Variants in PCDH9 observed in about 807,000 individuals in gnomAD.
PCDH9 encodes the protein protocadherin 9.
In PCDH9, 24 loss-of-function variants were observed where a neutral mutation model predicts 70.6. The observed-to-expected ratio is 0.34, with a 90% CI of 0.25 to 0.48. The LOEUF (loss-of-function observed/expected upper bound fraction) is 0.48, where lower values mean the gene tolerates loss of function less well. PCDH9 is among the 20% of genes least tolerant of loss of function. PCDH9 has a pLI of 0.99. For missense variants in PCDH9, 1,281 were observed against 1,503.6 expected, an observed-to-expected ratio of 0.85 and a Z score of 2.45; for synonymous variants, 562 against 558.5, an observed-to-expected ratio of 1.01 and a Z score of -0.09.
chr13:67,105,736 A>T (rs902605372), intron 2 of PCDH9, among the ~76,000 whole-genome samples: 8 of 152,004 alleles, frequency 5.3e-5, no homozygotes, highest in Non-Finnish European at 8.8e-5. Flanking sequence ...AATATTTACT[A>T]AATTCCAAAG....
chr13:66,843,213 A>C (rs1410893811), intron 3 of PCDH9, among the ~76,000 whole-genome samples: 1 of 152,240 alleles, frequency 6.6e-6, no homozygotes, highest in Non-Finnish European at 1.5e-5. Context: ...TGTATTTTAC[A>C]TGTAGACAGA....
intron 2 of PCDH9, among the ~76,000 whole-genome samples, chr13:66,923,684 G>T (rs1243791474): frequency 6.6e-6 from 1 of 151,602 alleles, no homozygotes; most frequent in South Asian, 2.1e-4. Flanking sequence ...TAAGTAATTT[G>T]CTTAATGTCA....
chr13:67,116,578 T>C (rs1416303833), intron 2 of PCDH9, among the ~76,000 whole-genome samples: 7 of 152,194 alleles, frequency 4.6e-5, no homozygotes, highest in Non-Finnish European at 1.0e-4. Context: ...TTTCTTGGGT[T>C]GAAGCTTATT....
intron 2 of PCDH9, among the ~76,000 whole-genome samples, chr13:66,906,571 A>G (rs2082364424): frequency 6.6e-6 from 1 of 152,104 alleles, no homozygotes; most frequent in Non-Finnish European, 1.5e-5. Flanking sequence ...TTCCATCCCT[A>G]AAAGATCTCA....
At chr13:66,402,094 A>T in intron 4 of PCDH9, among the ~76,000 whole-genome samples, 1 of 152,136 alleles carries the variant, frequency 6.6e-6, no homozygotes, top group East Asian at 1.9e-4. Context: ...TTCTGCTTGA[A>T]AATAAATAAA....
chr13:66,467,659 TC>T (rs1452116658), intron 4 of PCDH9, among the ~76,000 whole-genome samples: 1 of 152,040 alleles, frequency 6.6e-6, no homozygotes, highest in Non-Finnish European at 1.5e-5. Context: ...TCAGCAATTA[TC>T]CCACAGTCCA....
chr13:66,616,391 C>T (rs2077355766), intron 4 of PCDH9, among the ~76,000 whole-genome samples: 1 of 91,642 alleles, frequency 1.1e-5, no homozygotes, highest in Non-Finnish European at 2.5e-5. Flanking sequence ...CCACTCATTC[C>T]TATCAGAAGT....
intron 4 of PCDH9, among the ~76,000 whole-genome samples, chr13:66,492,487 T>A (rs1343088470): frequency 6.7e-6 from 1 of 148,250 alleles, no homozygotes; most frequent in Non-Finnish European, 1.5e-5. Flanking sequence ...ATATAATGAT[T>A]TTTATATTTA....
At chr13:66,664,776 C>T (rs1029189115) in intron 3 of PCDH9, among the ~76,000 whole-genome samples, 6 of 151,988 alleles carry the variant, frequency 3.9e-5, no homozygotes, top group African/African-American at 1.5e-4. Flanking sequence ...CCCATCATTT[C>T]CTCTATATTC....
At chr13:66,807,087 C>T (rs2080422372) in intron 3 of PCDH9, among the ~76,000 whole-genome samples, 1 of 152,086 alleles carries the variant, frequency 6.6e-6, no homozygotes, top group Non-Finnish European at 1.5e-5. Context: ...TAATTGAATG[C>T]CAGATTTACA....
At chr13:66,339,378 TG>T (rs902312675) in intron 4 of PCDH9, among the ~76,000 whole-genome samples, 7 of 151,962 alleles carry the variant, frequency 4.6e-5, no homozygotes, top group East Asian at 3.9e-4. Context: ...AGATGTGTGT[TG>T]GGGGGGTGTG....
At chr13:66,467,066 C>T (rs1958526851) in intron 4 of PCDH9, among the ~76,000 whole-genome samples, 1 of 151,966 alleles carries the variant, frequency 6.6e-6, no homozygotes, top group African/African-American at 2.4e-5. Flanking sequence ...ATTCCTAATA[C>T]AATGGGGAAG....
rs1057323190 is a variant in PCDH9 at position 67,149,963 on chromosome 13, A to G, written c.3036+75442T>C. On this transcript the variant is annotated intron_variant, in intron 2 of 4. Transcript: ENST00000377865. The stretch of plus-strand genomic sequence containing the variant: ...CACTTTTGAAGCCAAAATTTCAAAA[A>G]TAAAAGTCTTTTCAGGTCATATGTA... Among the ~76,000 whole-genome samples, 3 of 152,362 alleles carry G rather than the reference A, an allele frequency of 2.0e-5. No individual in the cohort carries two copies. The East Asian group carries it at 5.8e-4, about 29-fold the overall frequency.
chr13:66,719,724 G>T lies in PCDH9; in HGVS notation c.3139-88313C>A, dbSNP rs141023922. Reference sequence around the variant, plus strand: ...ATAGCCAAACGTTTGTATCAAGTTTGTTTAAATAAAATATTTGAAAGATAT... The same window carrying T: ...ATAGCCAAACGTTTGTATCAAGTTTTTTTAAATAAAATATTTGAAAGATAT... On this transcript the variant is annotated intron_variant, in intron 3 of 4. Transcript: ENST00000377865. Among the ~76,000 whole-genome samples the T allele has an allele frequency of 3.9e-4, 59 of 152,256 alleles. 1 individual carries two copies. Among genetic ancestry groups the T allele is most frequent in the African/African-American group, 1.3e-3 (53 of 41,548 alleles).
chr13:66,866,461 G>A (rs1307094239), intron 3 of PCDH9, among the ~76,000 whole-genome samples: 1 of 151,554 alleles, frequency 6.6e-6, no homozygotes, highest in East Asian at 2.0e-4. Context: ...CAGCCTGGGG[G>A]ACAGAGCGAG....
chr13:66,768,569 A>C (rs998335925), intron 3 of PCDH9, among the ~76,000 whole-genome samples: 4 of 152,090 alleles, frequency 2.6e-5, no homozygotes, highest in African/African-American at 9.7e-5. Context: ...TATACATAAA[A>C]CAATATTTTT....
At chr13:66,835,619 G>C (rs1272929905) in intron 3 of PCDH9, among the ~76,000 whole-genome samples, 1 of 152,138 alleles carries the variant, frequency 6.6e-6, no homozygotes, top group Non-Finnish European at 1.5e-5. Context: ...TTGGGGATTT[G>C]TTATGGTGCT....
At chr13:67,191,465 C>T (rs1355564881) in intron 2 of PCDH9, among the ~76,000 whole-genome samples, 2 of 152,064 alleles carry the variant, frequency 1.3e-5, no homozygotes, top group African/African-American at 4.8e-5. Flanking sequence ...TCTTGAATTG[C>T]TTCCTAATGG....
intron 3 of PCDH9, among the ~76,000 whole-genome samples, chr13:66,877,471 T>C (rs2081837500): frequency 6.6e-6 from 1 of 151,986 alleles, no homozygotes; most frequent in Non-Finnish European, 1.5e-5. Flanking sequence ...TCCTGAGTCA[T>C]AAGTGGTCAA....
Sources: allele counts gnomAD v4.1 joint callset (sites outside exome capture counted in the v4.1 genomes callset), GRCh38; gene constraint gnomAD v4.1.1; transcripts MANE v1.5; gene names NCBI Gene and HGNC (gene_info 2026-07-23, HGNC 2026-07-21).